The following DOCK3 variants were observed in gnomAD, a reference collection of about 807,000 sequenced individuals.
DOCK3 encodes dedicator of cytokinesis protein 3.
In DOCK3, 60 loss-of-function variants were observed where a neutral mutation model predicts 265.6. That is an observed-to-expected ratio of 0.23 (90% CI 0.18 to 0.28). DOCK3 has a LOEUF of 0.28. DOCK3 is among the 10% of genes least tolerant of loss of function. The pLI, the probability that DOCK3 is intolerant of heterozygous loss-of-function variation, is 1.00. For synonymous variants in DOCK3, 881 were observed against 938.0 expected (o/e 0.94, Z 1.11); for missense variants, 1,981 against 2,594.3 (o/e 0.76, Z 5.14).
intron 3 of DOCK3, among the ~76,000 whole-genome samples, chr3:50,859,826 T>C (rs2046817081): frequency 6.6e-6 from 1 of 152,186 alleles, no homozygotes; most frequent in South Asian, 2.1e-4. Flanking sequence ...GTGTGGCTCC[T>C]CTGTGTTTCC....
At chr3:51,351,544 A>G (rs2085979883) in intron 40 of DOCK3, among the ~76,000 whole-genome samples, 1 of 152,150 alleles carries the variant, frequency 6.6e-6, no homozygotes, top group Non-Finnish European at 1.5e-5. Context: ...GAGCACTGGC[A>G]ATATGACAGG....
intron 32 of DOCK3, among the ~76,000 whole-genome samples, chr3:51,326,361 A>G (rs545150653): frequency 6.6e-6 from 1 of 151,506 alleles, no homozygotes; most frequent in Non-Finnish European, 1.5e-5. Flanking sequence ...CCCGGGTTCA[A>G]GTGATTCTCC....
At chr3:51,279,860 G>T (rs1313186367) in intron 26 of DOCK3, among the ~76,000 whole-genome samples, 2 of 152,202 alleles carry the variant, frequency 1.3e-5, no homozygotes, top group African/African-American at 4.8e-5. Flanking sequence ...GTCTCACTTT[G>T]CAGTACTACT....
intron 3 of DOCK3, among the ~76,000 whole-genome samples, chr3:50,865,537 T>G (rs1007901631): frequency 1.3e-5 from 2 of 152,228 alleles, no homozygotes; most frequent in Non-Finnish European, 2.9e-5. Flanking sequence ...CACATTTTCT[T>G]TATCCATTTG....
intron 1 of DOCK3, among the ~76,000 whole-genome samples, chr3:50,678,040 G>T (rs2034113297): frequency 6.6e-6 from 1 of 151,904 alleles, no homozygotes; most frequent in Non-Finnish European, 1.5e-5. Flanking sequence ...TTATTACACA[G>T]ATAAAGAAAC....
chr3:51,043,027 A>C (rs1350087633), intron 5 of DOCK3, among the ~76,000 whole-genome samples: 1 of 152,242 alleles, frequency 6.6e-6, no homozygotes, highest in Non-Finnish European at 1.5e-5. Context: ...GCCCAAAGCA[A>C]CTATAGATTC....
rs538614279 is a variant in DOCK3 at position 51,236,214 on chromosome 3, A to C, written c.1918-131A>C. On this transcript the variant is annotated intron_variant, in intron 19 of 52. Transcript: ENST00000266037. The stretch of plus-strand genomic sequence containing the variant: ...GGAGGGTCAGGGTACTAGTACGATG[A>C]TTTTTAAGTGGTATTTTGAGATCCT... The C allele has an allele frequency of 1.9e-5, 14 of 743,558 alleles. No individual in the cohort carries two copies. The Admixed American group carries it at 2.0e-4, about 11-fold the overall frequency. The allele number at this position is 743,558 out of a possible 1,614,324, so 46.1% of individuals were successfully genotyped here. A position where few individuals can be genotyped will look rare whatever the true frequency, so the allele number is the denominator to read the frequency against.
intron 4 of DOCK3, among the ~76,000 whole-genome samples, chr3:50,896,747 A>G (rs1454076639): frequency 1.3e-5 from 2 of 152,194 alleles, no homozygotes; most frequent in East Asian, 1.9e-4. Context: ...TAAGTAGGCA[A>G]TCATTTCCCC....
At chr3:51,224,989 A>C (rs1211833047) in intron 14 of DOCK3, among the ~76,000 whole-genome samples, 1 of 152,166 alleles carries the variant, frequency 6.6e-6, no homozygotes, top group East Asian at 1.9e-4. Flanking sequence ...GGAAGCAAAA[A>C]AGCACAACAG....
chr3:50,875,931 A>G (rs189262187), intron 3 of DOCK3, among the ~76,000 whole-genome samples: 107 of 152,178 alleles, frequency 7.0e-4, no homozygotes, highest in African/African-American at 2.2e-3. Flanking sequence ...AAACATTTTC[A>G]TGATATATTG....
intron 4 of DOCK3, among the ~76,000 whole-genome samples, chr3:50,911,237 CA>C (rs1225333087): frequency 2.6e-5 from 4 of 152,044 alleles, no homozygotes; most frequent in African/African-American, 7.3e-5. Context: ...TTTGCCCAGA[CA>C]AATGTGCTGA....
chr3:50,727,157 A>G (rs1409763561), intron 1 of DOCK3, among the ~76,000 whole-genome samples: 2 of 152,254 alleles, frequency 1.3e-5, no homozygotes, highest in African/African-American at 4.8e-5. Context: ...ACATCATTAA[A>G]TGTAAATTGA....
intron 12 of DOCK3, among the ~76,000 whole-genome samples, chr3:51,174,659 G>C (rs2107662872): frequency 6.6e-6 from 1 of 152,212 alleles, no homozygotes; most frequent in African/African-American, 2.4e-5. Flanking sequence ...AGCTTCATCG[G>C]TTGCTTTTGG....
chr3:51,031,805 A>T (rs2080058352), intron 5 of DOCK3, among the ~76,000 whole-genome samples: 1 of 152,052 alleles, frequency 6.6e-6, no homozygotes, highest in Non-Finnish European at 1.5e-5. Flanking sequence ...TGAGATTAAT[A>T]CCCCTATAAA....
At chr3:51,360,453 T>C in intron 46 of DOCK3, 58 bp from the exon 47 acceptor site, 1 of 1,559,078 alleles carries the variant, frequency 6.4e-7, no homozygotes, top group Admixed American at 1.9e-5. Flanking sequence ...TTCCCTCACA[T>C]CCCTTAGTTA....
At position 50,742,995 on chromosome 3, in the gene DOCK3, C is replaced by T. The variant is rs886489971; in HGVS notation, c.38-35680C>T. Among the ~76,000 whole-genome samples the T allele has an allele frequency of 1.3e-3, 196 of 152,246 alleles. 1 individual carries two copies. Among genetic ancestry groups the T allele is most frequent in the Non-Finnish European group, 1.9e-3 (128 of 68,028 alleles). ...CCCATCAGACTAACAGCGGATCTCT[C>T]GGCAGAAACTCTACAAGCCAGAAGA... On this transcript the variant is annotated intron_variant, in intron 1 of 52. Coordinates refer to ENST00000266037, the MANE Select transcript of DOCK3 (RefSeq NM_004947.5).
At chr3:51,017,660 A>G (rs2079407568) in intron 5 of DOCK3, among the ~76,000 whole-genome samples, 1 of 151,690 alleles carries the variant, frequency 6.6e-6, no homozygotes, top group Non-Finnish European at 1.5e-5. Context: ...GTGTTTGTAT[A>G]GTTTCCAAAA....
At position 50,781,267 on chromosome 3, in the gene DOCK3, C is replaced by CTTT. The variant is rs34844040; in HGVS notation, c.121+2525_121+2527dup. Reference sequence around the variant, plus strand: ...GGGATTGCTAGATCATATAGTAGTTCTTTTTTTTTTTTTTTTTTGGAGACA... The same window carrying CTTT: ...GGGATTGCTAGATCATATAGTAGTTCTTTTTTTTTTTTTTTTTTTTTGGAGACA... On this transcript the variant is annotated intron_variant, in intron 2 of 52. Coordinates refer to ENST00000266037, the MANE Select transcript of DOCK3 (RefSeq NM_004947.5). 5.1e-4 allele frequency among the ~76,000 whole-genome samples: 62 copies of CTTT among 120,434 alleles called. 1 individual carries two copies. Among genetic ancestry groups the CTTT allele is most frequent in the Admixed American group, 1.1e-3 (12 of 10,918 alleles). The allele number at this position is 120,434 out of a possible 152,430, so 79.0% of individuals were successfully genotyped here.
intron 3 of DOCK3, among the ~76,000 whole-genome samples, chr3:50,861,214 G>C (rs1214795818): frequency 6.6e-6 from 1 of 152,062 alleles, no homozygotes; most frequent in Non-Finnish European, 1.5e-5. Flanking sequence ...TTCTCTGTGG[G>C]TCAAGTTGTT....
Sources: gnomAD v4.1 joint callset for allele counts (sites outside exome capture counted in the v4.1 genomes callset) on GRCh38, gnomAD v4.1.1 for gene constraint, MANE v1.5 for transcripts, NCBI Gene and HGNC (gene_info 2026-07-23, HGNC 2026-07-21) for gene names.